Variants in RIPOR1 observed in about 807,000 individuals in gnomAD.
RIPOR1 encodes the protein RHO family interacting cell polarization regulator 1.
Under a neutral mutation model 116.5 loss-of-function variants are expected in RIPOR1, and 58 were observed. That is an observed-to-expected ratio of 0.50 (90% CI 0.40 to 0.62). RIPOR1 has a LOEUF of 0.62. Among genes scored for constraint, RIPOR1 ranks in the 20% least tolerant of loss-of-function variants. The pLI is 0.00. For missense variants in RIPOR1, 1,372 were observed against 1,586.2 expected (o/e 0.86, Z 2.29); for synonymous variants, 605 against 650.0 (o/e 0.93, Z 1.05).
At chr16:67,528,015 G>A (rs2050561428), upstream of RIPOR1, among the ~76,000 whole-genome samples, 3 of 152,084 alleles carry the variant, frequency 2.0e-5, no homozygotes, top group Admixed American at 6.6e-5. Context: ...TGAGGGCTGC[G>A]GGAGTGCAAG....
chr16:67,527,497 G>C (rs535327063), upstream of RIPOR1, among the ~76,000 whole-genome samples: 1 of 152,046 alleles, frequency 6.6e-6, no homozygotes, highest in African/African-American at 2.4e-5. Flanking sequence ...TGTAATCCCA[G>C]TACTTTGGGA....
Position 67,531,096 on chromosome 16 carries a change from C to T in RIPOR1, c.-24+2182C>T, listed in dbSNP as rs956520884. Among the ~76,000 whole-genome samples the T allele has an allele frequency of 2.6e-5, 4 of 152,200 alleles. No homozygotes were observed. Among genetic ancestry groups the T allele is most frequent in the African/African-American group, 4.8e-5 (2 of 41,506 alleles). On this transcript the variant is annotated intron_variant, in intron 1 of 21. Coordinates refer to ENST00000042381, the MANE Select transcript of RIPOR1 (RefSeq NM_024519.4). This position sits in a 1 kb window ranked among gnomAD's most constrained non-coding sequence, Gnocchi z 4.2. ...GAGAGAAAAGTGATGGAACAGTCAG[C>T]GGTTTCCAAGTCCAGAATCCCAGGG...
chr16:67,535,046 T>G (rs1476317759), intron 1 of RIPOR1, among the ~76,000 whole-genome samples: 1 of 152,046 alleles, frequency 6.6e-6, no homozygotes, highest in African/African-American at 2.4e-5. Context: ...TTTCACCATG[T>G]TGGCCAAGCT....
chr16:67,544,982 G>A lies in RIPOR1; in HGVS notation c.2896G>A (p.Gly966Ser). 1.9e-6 allele frequency: 3 copies of A among 1,613,124 alleles called. No individual in the cohort carries two copies. The highest frequency in any genetic ancestry group is 1.7e-6 in the Non-Finnish European group (2 of 1,180,010). Residue 966 changes from glycine to serine, a missense_variant, in exon 17 of 22, where the codon GGC becomes AGC. Around this residue, in one of 3 missense-constraint regions of RIPOR1, gnomAD observed 1,005 missense variants for 1,144.7 expected, o/e 0.88. Coordinates refer to ENST00000042381, the MANE Select transcript of RIPOR1 (RefSeq NM_024519.4). The surrounding 1 kb of genome is among the most constrained non-coding windows in gnomAD (Gnocchi z 5.1). ...EVVQFSASRP[G>S]FLTFWDQCTE... ...GGTGCAGTTCTCGGCCTCTCGGCCT[G>A]GCTTCCTGACCTTCTGGGACCAGTG...
rs894365670 is a variant in RIPOR1 at position 67,537,805 on chromosome 16, G to T, written c.-23-619G>T. On this transcript the variant is annotated intron_variant, in intron 1 of 21. Coordinates refer to ENST00000042381, the MANE Select transcript of RIPOR1 (RefSeq NM_024519.4). This position sits in a 1 kb window ranked among gnomAD's most constrained non-coding sequence, Gnocchi z 4.6. ...AAGAGGAGGGGGCGGGGCCCTTCTC[G>T]GCATCGCGCCCAGCTCTGGGAATCC... is the stretch of plus-strand genomic sequence containing the variant. Among the ~76,000 whole-genome samples the T allele has an allele frequency of 6.6e-6, 1 of 152,074 alleles. No homozygotes were observed. Among genetic ancestry groups the T allele is most frequent in the African/African-American group, 2.4e-5 (1 of 41,414 alleles).
At chr16:67,523,806 G>C (rs1025879308) in intron 1 of RIPOR1, among the ~76,000 whole-genome samples, 11 of 151,452 alleles carry the variant, frequency 7.3e-5, no homozygotes, top group Non-Finnish European at 1.2e-4. Context: ...TCAGTCTCTT[G>C]AGCTGGGATT....
chr16:67,544,934 G>C lies in RIPOR1; in HGVS notation c.2870-22G>C, dbSNP rs769995158. The C allele has an allele frequency of 1.9e-6, 3 of 1,609,098 alleles. No individual in the cohort carries two copies. In the Admixed American group the frequency reaches 5.0e-5, roughly 27 times the overall value. On this transcript the variant is annotated intron_variant, in intron 16 of 21. Coordinates refer to ENST00000042381, the MANE Select transcript of RIPOR1 (RefSeq NM_024519.4). The surrounding 1 kb of genome is among the most constrained non-coding windows in gnomAD (Gnocchi z 5.1). The stretch of plus-strand genomic sequence containing the variant: ...ACTCACCTGCCTGCCTGTTGCTGAC[G>C]GTTTCCCTCACCCCCTCACAGTGGT...
At position 67,542,318 on chromosome 16, in the gene RIPOR1, C is replaced by T; in HGVS notation, c.1532C>T (p.Thr511Ile). ...GHSATSSTLG[T>I]TGSVPTSTDP... ...TCTGCCACAAGCTCTACCCTCGGTA[C>T]AACAGGCTCTGTCCCCACATCTACA... Residue 511 changes from threonine (T) to isoleucine (I), a missense_variant, in exon 13 of 22, where the codon ACA becomes ATA. By Grantham distance (89) the Thr-to-Ile change is moderately conservative (BLOSUM62 -1). Around this residue, in one of 3 missense-constraint regions of RIPOR1, gnomAD observed 1,005 missense variants for 1,144.7 expected, o/e 0.88. Coordinates refer to ENST00000042381, the MANE Select transcript of RIPOR1 (RefSeq NM_024519.4). This position sits in a 1 kb window ranked among gnomAD's most constrained non-coding sequence, Gnocchi z 4.6. 6.2e-7 allele frequency: 1 copy of T among 1,613,928 alleles called. No individual in the cohort carries two copies. Among genetic ancestry groups the T allele is most frequent in the Non-Finnish European group, 8.5e-7 (1 of 1,179,960 alleles).
chr16:67,520,809 GAA>G (rs59120348), intron 1 of RIPOR1, among the ~76,000 whole-genome samples: 2 of 144,124 alleles, frequency 1.4e-5, no homozygotes, highest in African/African-American at 2.5e-5. Context: ...CAAAAAAAAA[GAA>G]AAAAAAAAAT....
At position 67,532,894 on chromosome 16, in the gene RIPOR1, C is replaced by T. The variant is rs141693978; in HGVS notation, c.-24+3980C>T. ...TTACTGAATAATGAATGGATGATTGCAGGTTAGAGTGGAGACAGGAGGTCC... is the reference window on the plus strand; with the variant it reads ...TTACTGAATAATGAATGGATGATTGTAGGTTAGAGTGGAGACAGGAGGTCC... On this transcript the variant is annotated intron_variant, in intron 1 of 21. Coordinates refer to ENST00000042381, the MANE Select transcript of RIPOR1 (RefSeq NM_024519.4). Among the ~76,000 whole-genome samples, 106 of 152,280 alleles carry T rather than the reference C, an allele frequency of 7.0e-4. 1 individual carries two copies. In the East Asian group the frequency reaches 0.018, roughly 26 times the overall value.
At chr16:67,521,523 C>G (rs548937684) in intron 1 of RIPOR1, among the ~76,000 whole-genome samples, 2 of 152,324 alleles carry the variant, frequency 1.3e-5, no homozygotes, top group East Asian at 3.9e-4. Context: ...ATCCCATGAG[C>G]TGGGAGAGGC....
chr16:67,534,938 G>T (rs2050757421), intron 1 of RIPOR1, among the ~76,000 whole-genome samples: 1 of 149,364 alleles, frequency 6.7e-6, no homozygotes, highest in African/African-American at 2.5e-5. Flanking sequence ...TGCGTCCCAG[G>T]TTCAAGCGAT....
chr16:67,541,545 G>C lies in RIPOR1; in HGVS notation c.917G>C (p.Gly306Ala). Reference sequence around the variant, plus strand: ...GTGGCTGTGGATATCAATGACCTTGGTACCATCAAGCTCAGCCTGGAAGTC... The same window carrying C: ...GTGGCTGTGGATATCAATGACCTTGCTACCATCAAGCTCAGCCTGGAAGTC... ...QVVAVDINDL[G>A]TIKLSLEVTW... is the part of the protein sequence containing the mutation. Residue 306 changes from glycine to alanine, a missense_variant, in exon 11 of 22, where the codon GGT becomes GCT. Gly to Ala is a moderately conservative substitution (Grantham distance 60). Transcript: ENST00000042381. The surrounding 1 kb of genome is among the most constrained non-coding windows in gnomAD (Gnocchi z 4.6). 6.2e-7 allele frequency: 1 copy of C among 1,614,094 alleles called. No homozygotes were observed. The highest frequency in any genetic ancestry group is 1.7e-5 in the Admixed American group (1 of 60,006).
chr16:67,544,689 C>T lies in RIPOR1; in HGVS notation c.2734-6C>T, dbSNP rs936722660. On this transcript the variant is annotated splice_region_variant and splice_polypyrimidine_tract_variant and intron_variant, in intron 15 of 21. Coordinates refer to ENST00000042381, the MANE Select transcript of RIPOR1 (RefSeq NM_024519.4). The surrounding 1 kb of genome is among the most constrained non-coding windows in gnomAD (Gnocchi z 5.1). ...CCTGAGCTACTTGGCCACCCATGTTCTCCAGAAACTGGGCACATTTGGGCC... is the reference window on the plus strand; with the variant it reads ...CCTGAGCTACTTGGCCACCCATGTTTTCCAGAAACTGGGCACATTTGGGCC... 2 of 1,612,618 alleles carry T rather than the reference C, an allele frequency of 1.2e-6. No homozygotes were observed. The highest frequency in any genetic ancestry group is 1.7e-5 in the Admixed American group (1 of 60,012).
intron 1 of RIPOR1, among the ~76,000 whole-genome samples, chr16:67,533,167 T>G (rs1396281619): frequency 6.6e-6 from 1 of 151,710 alleles, no homozygotes; most frequent in African/African-American, 2.4e-5. Flanking sequence ...GATGGTGGAG[T>G]GTCATGGAGA....
upstream of RIPOR1, among the ~76,000 whole-genome samples, chr16:67,528,075 G>T (rs2050562035): frequency 1.3e-5 from 2 of 152,064 alleles, no homozygotes; most frequent in Admixed American, 1.3e-4. Context: ...AGGGGTGTCT[G>T]ATTGATGGGA....
Position 67,537,828 on chromosome 16 carries a change from T to A in RIPOR1, c.-23-596T>A, listed in dbSNP as rs538589408. Among the ~76,000 whole-genome samples the A allele has an allele frequency of 2.4e-3, 362 of 151,070 alleles. No homozygotes were observed. Among genetic ancestry groups the A allele is most frequent in the African/African-American group, 8.5e-3 (349 of 41,094 alleles). ...TCGGCATCGCGCCCAGCTCTGGGAA[T>A]CCCCCTGCCTGGAGGGCGCCGGGAC... On this transcript the variant is annotated intron_variant, in intron 1 of 21. Coordinates refer to ENST00000042381, the MANE Select transcript of RIPOR1 (RefSeq NM_024519.4). The surrounding 1 kb of genome is among the most constrained non-coding windows in gnomAD (Gnocchi z 4.6).
In RIPOR1 at chr16:67,531,713, A is replaced by G; in HGVS notation, c.-24+2799A>G. ...GAGTGGTTGAAAGAATGTGAGGGAC[A>G]GGACAAATCCTGAAGGGCCTACGTG... On this transcript the variant is annotated intron_variant, in intron 1 of 21. Transcript: ENST00000042381. This position sits in a 1 kb window ranked among gnomAD's most constrained non-coding sequence, Gnocchi z 4.2. 4 of 424,634 alleles carry G rather than the reference A, an allele frequency of 9.4e-6. No homozygotes were observed. Among genetic ancestry groups the G allele is most frequent in the South Asian group, 5.0e-5 (3 of 60,076 alleles). 26.3% of individuals were successfully genotyped at this position (424,634 alleles called of 1,614,324 possible).
At chr16:67,527,126 T>C (rs1268027518), upstream of RIPOR1, among the ~76,000 whole-genome samples, 1 of 152,110 alleles carries the variant, frequency 6.6e-6, no homozygotes, top group African/African-American at 2.4e-5. Flanking sequence ...TTTAAGGACT[T>C]CAGAGAAAAG....
Sources: gnomAD v4.1 joint callset for allele counts (sites outside exome capture counted in the v4.1 genomes callset) on GRCh38, gnomAD v4.1.1 for gene constraint, gnomAD v4.1.1 regional missense constraint, Gnocchi (gnomAD v3.1) non-coding constraint, MANE v1.5 for transcripts, NCBI Gene and HGNC (gene_info 2026-07-23, HGNC 2026-07-21) for gene names.